The following CFAP77 variants were observed in gnomAD, a reference collection of about 807,000 sequenced individuals.
CFAP77 encodes cilia and flagella associated protein 77.
CFAP77 carries 25 observed loss-of-function variants against 31.1 expected under a neutral mutation model. That is an observed-to-expected ratio of 0.80 (90% confidence interval 0.59 to 1.12). The LOEUF (loss-of-function observed/expected upper bound fraction) is 1.12. Among genes scored for constraint, CFAP77 ranks in the 50% most tolerant of loss-of-function variants. The probability of loss-of-function intolerance (pLI) is 0.00; values close to 1 mark genes in which losing one functional copy is unlikely to be tolerated. For synonymous variants in CFAP77, 151 were observed against 159.9 expected, an observed-to-expected ratio of 0.94 and a Z score of 0.42; for missense variants, 377 against 397.3, an observed-to-expected ratio of 0.95 and a Z score of 0.44.
rs143132518 is a variant in CFAP77 at position 132,571,798 on chromosome 9, C to A, written c.733-590C>A. On this transcript the variant is annotated intron_variant, in intron 5 of 5. Transcript: ENST00000393216. ...GCGGGGTCTTCACCCACCACCATTT[C>A]TTGAGAAGAAAGGGCAGGCTGAGAT... is the stretch of plus-strand genomic sequence containing the variant. 6.0e-3 allele frequency among the ~76,000 whole-genome samples: 909 copies of A among 152,080 alleles called. 11 individuals carry two copies. Among genetic ancestry groups the A allele is most frequent in the African/African-American group, 0.02 (845 of 41,472 alleles).
chr9:132,529,509 A>T (rs914672765), intron 3 of CFAP77, among the ~76,000 whole-genome samples: 3 of 113,164 alleles, frequency 2.7e-5, no homozygotes, highest in African/African-American at 1.0e-4. Context: ...GAGTATAATA[A>T]AAAAAAAAAA....
intron 4 of CFAP77, among the ~76,000 whole-genome samples, chr9:132,540,477 T>C (rs1852621941): frequency 6.6e-6 from 1 of 152,204 alleles, no homozygotes; most frequent in South Asian, 2.1e-4. Flanking sequence ...ACTGTGCCTG[T>C]TGGGGGAGGA....
intron 3 of CFAP77, among the ~76,000 whole-genome samples, chr9:132,520,046 T>C (rs1852242174): frequency 6.6e-6 from 1 of 151,134 alleles, no homozygotes; most frequent in Non-Finnish European, 1.5e-5. Context: ...CCCCCTGAAA[T>C]GTCCTTGGGC....
chr9:132,522,998 A>C (rs1852296338), intron 3 of CFAP77, among the ~76,000 whole-genome samples: 1 of 152,104 alleles, frequency 6.6e-6, no homozygotes, highest in Non-Finnish European at 1.5e-5. Flanking sequence ...AGTAAGCTGA[A>C]ATATGAAAGT....
intron 1 of CFAP77, among the ~76,000 whole-genome samples, chr9:132,435,911 G>T (rs1310990888): frequency 6.6e-6 from 1 of 152,150 alleles, no homozygotes; most frequent in Non-Finnish European, 1.5e-5. Flanking sequence ...TGTAGATTCT[G>T]CTAAGTGGGA....
intron 1 of CFAP77, among the ~76,000 whole-genome samples, chr9:132,437,622 G>A (rs1379488044): frequency 1.4e-5 from 2 of 146,342 alleles, no homozygotes; most frequent in Non-Finnish European, 3.0e-5. Flanking sequence ...CCATTCTCCT[G>A]CCTCAGCCTC....
intron 1 of CFAP77, among the ~76,000 whole-genome samples, chr9:132,443,432 T>C (rs201735114): frequency 6.6e-6 from 1 of 152,098 alleles, no homozygotes; most frequent in East Asian, 1.9e-4. Flanking sequence ...TTTGTATTTT[T>C]AGTAGAGTTG....
At chr9:132,460,913 A>G (rs1015046952) in intron 1 of CFAP77, among the ~76,000 whole-genome samples, 42 of 151,988 alleles carry the variant, frequency 2.8e-4, no homozygotes, top group African/African-American at 9.9e-4. Context: ...TTTAGTAGAG[A>G]CGGGGTTTCA....
chr9:132,437,452 C>T (rs1850521895), intron 1 of CFAP77, among the ~76,000 whole-genome samples: 1 of 150,690 alleles, frequency 6.6e-6, no homozygotes, highest in South Asian at 2.1e-4. Context: ...GAAGTCTGGA[C>T]TTCGTCCGAG....
At chr9:132,493,711 C>G (rs1326859857) in intron 1 of CFAP77, among the ~76,000 whole-genome samples, 1 of 152,256 alleles carries the variant, frequency 6.6e-6, no homozygotes, top group African/African-American at 2.4e-5. Context: ...CTGCTGGTGT[C>G]TGGCTGCATC....
chr9:132,410,701 T>TGGGAAGATTGAATA (rs1849976639), intron 1 of CFAP77, among the ~76,000 whole-genome samples: 2 of 152,176 alleles, frequency 1.3e-5, no homozygotes, highest in African/African-American at 4.8e-5. Context: ...AGGGACTGAT[T>TGGGAAGATTGAATA]GGGAAGATTG....
At chr9:132,509,735 C>G (rs1851999622) in intron 3 of CFAP77, among the ~76,000 whole-genome samples, 1 of 152,146 alleles carries the variant, frequency 6.6e-6, no homozygotes, top group African/African-American at 2.4e-5. Flanking sequence ...CACCACTACA[C>G]CCCAGCCTGG....
At chr9:132,438,519 G>GTATA (rs34631762) in intron 1 of CFAP77, among the ~76,000 whole-genome samples, 29 of 116,676 alleles carry the variant, frequency 2.5e-4, no homozygotes, top group East Asian at 9.9e-4. Flanking sequence ...AACAGATATG[G>GTATA]TATATATATA....
intron 1 of CFAP77, among the ~76,000 whole-genome samples, chr9:132,460,875 G>A (rs1001592191): frequency 2.4e-4 from 37 of 152,102 alleles, no homozygotes; most frequent in Admixed American, 1.8e-3. Flanking sequence ...ACAGGTGCCC[G>A]CCACCACGCC....
intron 1 of CFAP77, among the ~76,000 whole-genome samples, chr9:132,462,163 G>A (rs1048240411): frequency 2.6e-5 from 4 of 152,096 alleles, no homozygotes; most frequent in African/African-American, 7.2e-5. Flanking sequence ...TTTACAAACC[G>A]CAGTCTTGGA....
chr9:132,521,772 T>TG (rs1341029362), intron 3 of CFAP77, among the ~76,000 whole-genome samples: 9 of 118,780 alleles, frequency 7.6e-5, no homozygotes. Flanking sequence ...CTTTTTTTTT[T>TG]TTTTTTTTTT....
chr9:132,460,240 C>T (rs1255497754), intron 1 of CFAP77, among the ~76,000 whole-genome samples: 1 of 152,150 alleles, frequency 6.6e-6, no homozygotes, highest in East Asian at 1.9e-4. Context: ...GACTGCCTGG[C>T]CACCTCCCAC....
chr9:132,518,742 G>C (rs536219758), intron 3 of CFAP77, among the ~76,000 whole-genome samples: 11 of 152,154 alleles, frequency 7.2e-5, no homozygotes, highest in Admixed American at 2.6e-4. Flanking sequence ...CCCATCCCCA[G>C]AGATCTGTCC....
At chr9:132,508,971 A>G (rs1033955948) in intron 3 of CFAP77, among the ~76,000 whole-genome samples, 3 of 152,156 alleles carry the variant, frequency 2.0e-5, no homozygotes, top group Admixed American at 2.0e-4. Context: ...GCCCTGGGCG[A>G]GGAAGTCATT....
Sources: gnomAD v4.1 joint callset for allele counts (sites outside exome capture counted in the v4.1 genomes callset) on GRCh38, gnomAD v4.1.1 for gene constraint, MANE v1.5 for transcripts, NCBI Gene and HGNC (gene_info 2026-07-23, HGNC 2026-07-21) for gene names.